Variants in SUGCT observed in about 807,000 individuals in gnomAD.
The protein encoded by SUGCT is succinyl-CoA:glutarate-CoA transferase.
SUGCT carries 41 observed loss-of-function variants against 55.0 expected under a neutral mutation model. The ratio of observed to expected loss-of-function variants is 0.74; its 90% CI spans 0.58 to 0.97. The LOEUF (loss-of-function observed/expected upper bound fraction) is 0.97. Among genes scored for constraint, SUGCT ranks in the 50% least tolerant of loss-of-function variants. The probability of loss-of-function intolerance (pLI) is 0.00; values close to 1 mark genes in which losing one functional copy is unlikely to be tolerated. For synonymous variants in SUGCT, 187 were observed against 200.4 expected (o/e 0.93, Z 0.56); for missense variants, 568 against 547.8 (o/e 1.04, Z -0.37).
chr7:40,137,203 C>T (rs1184841438), intron 1 of SUGCT, among the ~76,000 whole-genome samples: 1 of 152,090 alleles, frequency 6.6e-6, no homozygotes, highest in Non-Finnish European at 1.5e-5. Context: ...TCACAGATCA[C>T]TGCATCCTCG....
At chr7:41,013,043 T>C in the SUGCT span, among the ~76,000 whole-genome samples, 19 of 141,668 alleles carry the variant, frequency 1.3e-4, no homozygotes, top group Non-Finnish European at 2.6e-4. Context: ...TATATATATA[T>C]GTATTTCATT....
At chr7:40,425,397 A>G (rs909624690) in intron 9 of SUGCT, among the ~76,000 whole-genome samples, 5 of 151,980 alleles carry the variant, frequency 3.3e-5, no homozygotes, top group African/African-American at 1.2e-4. Context: ...GCTGGAAGGG[A>G]CTTGTCTAAC....
chr7:40,696,146 A>G (rs911084943), intron 12 of SUGCT, among the ~76,000 whole-genome samples: 1 of 152,178 alleles, frequency 6.6e-6, no homozygotes, highest in Non-Finnish European at 1.5e-5. Context: ...TCCAGCAACT[A>G]TCTGTTAATA....
rs1220679934 is a variant in SUGCT, at chr7:40,351,150, A to G, written c.816+34295A>G. 3.3e-5 allele frequency among the ~76,000 whole-genome samples: 5 copies of G among 152,076 alleles called. No individual in the cohort carries two copies. The South Asian group carries it at 8.3e-4, about 25-fold the overall frequency. On this transcript the variant is annotated intron_variant, in intron 9 of 13. Coordinates refer to ENST00000335693, the MANE Select transcript of SUGCT (RefSeq NM_001193313.2). ...CTTTATTGCTGTGTAAGCCTTCTTA[A>G]GAACTCTTTGTAGGTTGATAACATT...
At chr7:40,725,565 A>G (rs1385211005) in intron 12 of SUGCT, among the ~76,000 whole-genome samples, 1 of 148,280 alleles carries the variant, frequency 6.7e-6, no homozygotes, top group African/African-American at 2.5e-5. Flanking sequence ...AGCAGTAGGG[A>G]CCTCTATTTT....
chr7:40,932,204 G>T, the SUGCT span, among the ~76,000 whole-genome samples: 12,477 of 152,132 alleles, frequency 0.082, 563 homozygotes, highest in African/African-American at 0.11. Flanking sequence ...TCAGGAGCAG[G>T]TTGTTCAGTT....
rs193248564 is a variant in SUGCT, at chr7:40,425,823, T to C, written c.817-23464T>C. On this transcript the variant is annotated intron_variant, in intron 9 of 13. Coordinates refer to ENST00000335693, the MANE Select transcript of SUGCT (RefSeq NM_001193313.2). ...AGGCAGTATCTGGTGGGGTTCCAAGTAGTGGGATAGCAGATTCAAAGTCAG... is the reference window on the plus strand; with the variant it reads ...AGGCAGTATCTGGTGGGGTTCCAAGCAGTGGGATAGCAGATTCAAAGTCAG... Among the ~76,000 whole-genome samples the C allele has an allele frequency of 2.0e-3, 306 of 152,222 alleles. 12 individuals are homozygous for C. The South Asian group carries it at 0.059, about 29-fold the overall frequency.
At chr7:40,938,417 A>C in the SUGCT span, among the ~76,000 whole-genome samples, 1 of 151,706 alleles carries the variant, frequency 6.6e-6, no homozygotes, top group Admixed American at 6.6e-5. Flanking sequence ...GGTTGCCCTG[A>C]AGATTACAAA....
At chr7:40,801,990 C>G (rs149868518) in intron 13 of SUGCT, among the ~76,000 whole-genome samples, 2 of 151,712 alleles carry the variant, frequency 1.3e-5, no homozygotes, top group Non-Finnish European at 2.9e-5. Flanking sequence ...CCGAGAAACC[C>G]AGTCATTAAA....
chr7:40,467,194 CT>C (rs1790159230), intron 11 of SUGCT, among the ~76,000 whole-genome samples: 1 of 73,068 alleles, frequency 1.4e-5, no homozygotes, highest in Non-Finnish European at 2.2e-5. Flanking sequence ...GAGCAAGACT[CT>C]AAGAAAAAGA....
At chr7:40,308,133 C>T (rs1794937480) in intron 8 of SUGCT, among the ~76,000 whole-genome samples, 1 of 152,188 alleles carries the variant, frequency 6.6e-6, no homozygotes, top group South Asian at 2.1e-4. Flanking sequence ...TAGAGGACTT[C>T]TAGTCCATTC....
At chr7:40,884,370 C>T in the SUGCT span, among the ~76,000 whole-genome samples, 1 of 152,184 alleles carries the variant, frequency 6.6e-6, no homozygotes, top group Non-Finnish European at 1.5e-5. Context: ...TTCCTTTGCT[C>T]ATAACCCTCT....
intron 12 of SUGCT, among the ~76,000 whole-genome samples, chr7:40,513,717 C>G (rs1793069547): frequency 6.6e-6 from 1 of 150,378 alleles, no homozygotes; most frequent in Non-Finnish European, 1.5e-5. Flanking sequence ...ATAATTAGGA[C>G]TTATTTAAAT....
the SUGCT span, among the ~76,000 whole-genome samples, chr7:40,865,914 A>G: frequency 6.6e-6 from 1 of 152,104 alleles, no homozygotes; most frequent in South Asian, 2.1e-4. Context: ...GCAGGCTGAA[A>G]ACACTTTGCC....
the SUGCT span, among the ~76,000 whole-genome samples, chr7:41,012,571 C>T: frequency 6.6e-6 from 1 of 152,152 alleles, no homozygotes; most frequent in Non-Finnish European, 1.5e-5. Flanking sequence ...TCAATGGTAG[C>T]TATCTGAGGC....
At chr7:40,215,078 A>G (rs903147696) in intron 6 of SUGCT, among the ~76,000 whole-genome samples, 2 of 152,138 alleles carry the variant, frequency 1.3e-5, no homozygotes, top group Non-Finnish European at 2.9e-5. Flanking sequence ...AGCATGGCAG[A>G]TACGTTAGGG....
intron 9 of SUGCT, among the ~76,000 whole-genome samples, chr7:40,431,947 A>G (rs369116814): frequency 6.6e-6 from 1 of 152,144 alleles, no homozygotes; most frequent in Admixed American, 6.5e-5. Context: ...TTTTTCCCCC[A>G]TATAGGATTA....
At chr7:41,029,398 G>C in the SUGCT span, among the ~76,000 whole-genome samples, 1 of 152,272 alleles carries the variant, frequency 6.6e-6, no homozygotes, top group African/African-American at 2.4e-5. Context: ...GGAACCTCCT[G>C]AGTCAGCAGT....
At chr7:40,745,583 AG>A (rs1273710026) in intron 12 of SUGCT, among the ~76,000 whole-genome samples, 1 of 152,206 alleles carries the variant, frequency 6.6e-6, no homozygotes, top group Non-Finnish European at 1.5e-5. Flanking sequence ...ACTTTGCTAA[AG>A]AGGTTGGCGC....
Sources: gnomAD v4.1 joint callset for allele counts (sites outside exome capture counted in the v4.1 genomes callset) on GRCh38, gnomAD v4.1.1 for gene constraint, MANE v1.5 for transcripts, NCBI Gene and HGNC (gene_info 2026-07-23, HGNC 2026-07-21) for gene names.